Variants in SPAG16 observed in about 807,000 individuals in gnomAD.
The protein encoded by SPAG16 is sperm-associated antigen 16 protein.
SPAG16 carries 86 observed loss-of-function variants against 80.4 expected under a neutral mutation model. The ratio of observed to expected loss-of-function variants is 1.07; its 90% CI spans 0.90 to 1.28. The LOEUF (loss-of-function observed/expected upper bound fraction) is 1.28. Among genes scored for constraint, SPAG16 ranks in the 50% most tolerant of loss-of-function variants. SPAG16 has a pLI of 0.00. For missense variants in SPAG16, 870 were observed against 765.3 expected, an observed-to-expected ratio of 1.14 and a Z score of -1.61; for synonymous variants, 294 against 265.9, an observed-to-expected ratio of 1.11 and a Z score of -1.03.
chr2:213,527,806 T>C (rs2075941041), intron 10 of SPAG16, among the ~76,000 whole-genome samples: 1 of 151,888 alleles, frequency 6.6e-6, no homozygotes, highest in Non-Finnish European at 1.5e-5. Context: ...TGCAACAAGC[T>C]GTAGAAGAAA....
chr2:213,467,898 C>T (rs955759765), intron 9 of SPAG16, among the ~76,000 whole-genome samples: 1 of 152,186 alleles, frequency 6.6e-6, no homozygotes, highest in African/African-American at 2.4e-5. Context: ...TCAGGTGCAT[C>T]TCAGGGATTC....
At chr2:213,964,720 C>T (rs2044619774) in intron 12 of SPAG16, among the ~76,000 whole-genome samples, 1 of 152,136 alleles carries the variant, frequency 6.6e-6, no homozygotes, top group South Asian at 2.1e-4. Context: ...ATGAAGAGAT[C>T]CACACCTAGA....
chr2:214,093,215 A>T (rs1486493932), intron 13 of SPAG16, among the ~76,000 whole-genome samples: 3 of 152,008 alleles, frequency 2.0e-5, no homozygotes, highest in African/African-American at 7.2e-5. Flanking sequence ...TAATAGTTGT[A>T]TCTTAAATTA....
At chr2:213,613,376 G>T (rs145871705) in intron 10 of SPAG16, among the ~76,000 whole-genome samples, 2,113 of 152,252 alleles carry the variant, frequency 0.014, 37 homozygotes, top group Admixed American at 0.038. Context: ...GAGCCCTGTT[G>T]CTCTCTGACC....
intron 10 of SPAG16, among the ~76,000 whole-genome samples, chr2:213,716,033 C>G (rs933956922): frequency 2.0e-5 from 3 of 151,964 alleles, no homozygotes; most frequent in Admixed American, 2.0e-4. Flanking sequence ...AGGCCTATAA[C>G]AAAGATTTCA....
chr2:214,195,066 A>G (rs1428445024), intron 15 of SPAG16, among the ~76,000 whole-genome samples: 3 of 152,082 alleles, frequency 2.0e-5, no homozygotes, highest in Non-Finnish European at 4.4e-5. Context: ...AAAGAAAATA[A>G]CCAGCAGAAG....
chr2:213,479,237 G>A (rs1051554058), intron 9 of SPAG16, among the ~76,000 whole-genome samples: 10 of 150,250 alleles, frequency 6.7e-5, no homozygotes, highest in East Asian at 2.0e-4. Flanking sequence ...GTCTTTAATC[G>A]AATGTCACCT....
intron 13 of SPAG16, among the ~76,000 whole-genome samples, chr2:214,059,246 GTATATA>G (rs1295578502): frequency 1.2e-5 from 1 of 85,664 alleles, no homozygotes; most frequent in Non-Finnish European, 2.4e-5. Flanking sequence ...ATATATGTAT[GTATATA>G]TATGTATGTA....
chr2:213,949,187 T>G (rs1014207347), intron 12 of SPAG16, among the ~76,000 whole-genome samples: 1 of 14,820 alleles, frequency 6.7e-5, no homozygotes, highest in Non-Finnish European at 2.3e-4. Flanking sequence ...TTTTTTTTTT[T>G]TTTTTTGAGG....
At chr2:213,295,869 G>A (rs2062475327) in intron 1 of SPAG16, among the ~76,000 whole-genome samples, 195 bp from the exon 2 acceptor site, 1 of 152,060 alleles carries the variant, frequency 6.6e-6, no homozygotes, top group Admixed American at 6.5e-5. Flanking sequence ...GAAAAATAAT[G>A]AAGTATTTTA....
At chr2:213,445,245 A>C (rs2071221378) in intron 9 of SPAG16, among the ~76,000 whole-genome samples, 2 of 152,262 alleles carry the variant, frequency 1.3e-5, no homozygotes, top group Admixed American at 6.5e-5. Flanking sequence ...AAATACTTGC[A>C]AACGATTCAA....
chr2:214,092,075 T>A (rs1371442338), intron 13 of SPAG16, among the ~76,000 whole-genome samples: 1 of 152,136 alleles, frequency 6.6e-6, no homozygotes, highest in Non-Finnish European at 1.5e-5. Context: ...TCTATTTTAT[T>A]ATTTTATTGA....
rs550915904 is a variant in SPAG16, at chr2:213,595,795, T to C, written c.1070+105705T>C. ...GGAAATATTAATCATGTAGTCTTTGTATGTAAATGACAGAAATCACTATCA... is the reference window on the plus strand; with the variant it reads ...GGAAATATTAATCATGTAGTCTTTGCATGTAAATGACAGAAATCACTATCA... On this transcript the variant is annotated intron_variant, in intron 10 of 15. Transcript: ENST00000331683. Among the ~76,000 whole-genome samples, 12 of 152,266 alleles carry C rather than the reference T, an allele frequency of 7.9e-5. No homozygotes were observed. In the South Asian group the frequency reaches 8.3e-4, roughly 11 times the overall value.
chr2:213,286,602 A>G (rs972796179), intron 1 of SPAG16, among the ~76,000 whole-genome samples: 1 of 152,226 alleles, frequency 6.6e-6, no homozygotes, highest in Non-Finnish European at 1.5e-5. Context: ...CATGGTGGGT[A>G]AATAAAAGTT....
At chr2:213,400,457 T>C (rs1486017184) in intron 9 of SPAG16, among the ~76,000 whole-genome samples, 2 of 152,186 alleles carry the variant, frequency 1.3e-5, no homozygotes, top group African/African-American at 4.8e-5. Flanking sequence ...TTGGGTTATT[T>C]TTTTATTTGG....
intron 10 of SPAG16, among the ~76,000 whole-genome samples, chr2:213,656,731 A>G (rs1384815806): frequency 6.6e-6 from 1 of 152,216 alleles, no homozygotes; most frequent in Admixed American, 6.5e-5. Context: ...TGAGCAAATT[A>G]TATTTCTAGT....
intron 15 of SPAG16, among the ~76,000 whole-genome samples, chr2:214,292,194 C>T (rs1221051237): frequency 6.6e-6 from 1 of 152,048 alleles, no homozygotes; most frequent in African/African-American, 2.4e-5. Context: ...TTAATACTGA[C>T]TTTAGATGGT....
intron 10 of SPAG16, among the ~76,000 whole-genome samples, chr2:213,665,998 G>A (rs2063586352): frequency 6.6e-6 from 1 of 152,130 alleles, no homozygotes; most frequent in Admixed American, 6.6e-5. Flanking sequence ...GGCAGAGAAG[G>A]CCTTATTGGA....
intron 10 of SPAG16, among the ~76,000 whole-genome samples, chr2:213,739,670 C>T (rs943412255): frequency 9.9e-5 from 15 of 151,762 alleles, no homozygotes; most frequent in African/African-American, 3.2e-4. Context: ...GGTGGGATCT[C>T]GGCTCACTGC....
Sources: gnomAD v4.1 joint callset for allele counts (sites outside exome capture counted in the v4.1 genomes callset) on GRCh38, gnomAD v4.1.1 for gene constraint, MANE v1.5 for transcripts, NCBI Gene and HGNC (gene_info 2026-07-23, HGNC 2026-07-21) for gene names.